Variants in ADAMTS1 observed in about 807,000 individuals in gnomAD.
The protein encoded by ADAMTS1 is ADAM metallopeptidase with thrombospondin type 1 motif 1.
In ADAMTS1, 19 loss-of-function variants were observed where a neutral mutation model predicts 87.9. The ratio of observed to expected loss-of-function variants is 0.22; its 90% CI spans 0.15 to 0.32. The LOEUF (loss-of-function observed/expected upper bound fraction) is 0.32. ADAMTS1 is among the 10% of genes least tolerant of loss of function. The pLI, the probability that ADAMTS1 is intolerant of heterozygous loss-of-function variation, is 1.00. For synonymous variants in ADAMTS1, 542 were observed against 501.8 expected, an observed-to-expected ratio of 1.08 and a Z score of -1.07; for missense variants, 1,240 against 1,259.1, an observed-to-expected ratio of 0.98 and a Z score of 0.23.
chr21:26,840,696 G>T, intron 4 of ADAMTS1, 134 bp from the exon 5 acceptor site: 1 of 1,032,934 alleles, frequency 9.7e-7, no homozygotes, highest in Non-Finnish European at 1.4e-6. Flanking sequence ...GCTGGGGGAG[G>T]GAAATGCTGA....
In ADAMTS1 at chr21:26,837,515, G is replaced by T. The variant is rs1985391112; in HGVS notation, c.*64C>A. ...TACGCTGGATCCCTCCAGCCTTCTT[G>T]CTTTCCCTGCACCAGCCCTTCCTCA... On this transcript the variant is annotated 3_prime_UTR_variant, in exon 9 of 9. Coordinates refer to ENST00000284984, the MANE Select transcript of ADAMTS1 (RefSeq NM_006988.5). 1 of 1,461,580 alleles carries T rather than the reference G, an allele frequency of 6.8e-7. No individual in the cohort carries two copies. The highest frequency in any genetic ancestry group is 1.4e-5 in the African/African-American group (1 of 71,682). 90.5% of individuals were successfully genotyped at this position (1,461,580 alleles called of 1,614,324 possible). A position where few individuals can be genotyped will look rare whatever the true frequency, so the allele number is the denominator to read the frequency against.
rs755997993 is a variant in ADAMTS1, at chr21:26,838,558, C to G, written c.2085G>C (p.Gln695His). 1 of 1,614,190 alleles carries G rather than the reference C, an allele frequency of 6.2e-7. No homozygotes were observed. Among genetic ancestry groups the G allele is most frequent in the Non-Finnish European group, 8.5e-7 (1 of 1,180,044 alleles). Reference sequence around the variant, plus strand: ...TGCGATCACAACCAGCTTTTACACACTGTCCTTGCACACAGACAGAGGTGG... The same window carrying G: ...TGCGATCACAACCAGCTTTTACACAGTGTCCTTGCACACAGACAGAGGTGG... ...PDSTSVCVQGQCVKAGCDRII... is the reference protein window; with the variant it reads ...PDSTSVCVQGHCVKAGCDRII... Residue 695 changes from glutamine to histidine, a missense_variant, in exon 8 of 9, where the codon CAG (glutamine) becomes CAC (histidine). This residue lies in a region of ADAMTS1 where 402 missense variants were observed against 399.1 expected (regional missense o/e 1.01). Coordinates refer to ENST00000284984, the MANE Select transcript of ADAMTS1 (RefSeq NM_006988.5).
At position 26,842,441 on chromosome 21, in the gene ADAMTS1, A is replaced by G. The variant is rs1433694347; in HGVS notation, c.975T>C (p.Ala325=). 1.9e-6 allele frequency: 3 copies of G among 1,614,084 alleles called. No homozygotes were observed. The highest frequency in any genetic ancestry group is 2.2e-5 in the East Asian group (1 of 44,888). The change falls in exon 2 of 9, where the codon GCT becomes GCC. Residue 325 remains alanine (A), a synonymous_variant. Transcript: ENST00000284984. ...EQKGPEVTSN[A]ALTLRNFCNW... is the part of the protein sequence containing the mutation. The stretch of plus-strand genomic sequence containing the variant: ...TGCAAAAGTTCCGCAGAGTGAGGGC[A>G]GCATTGGAGGTCACTTCCGGCCCCT...
In ADAMTS1 at chr21:26,838,620, A is replaced by G; in HGVS notation, c.2029-6T>C. 1 of 1,612,988 alleles carries G rather than the reference A, an allele frequency of 6.2e-7. No individual in the cohort carries two copies. The highest frequency in any genetic ancestry group is 1.7e-4 in the Middle Eastern group (1 of 6,056). Reference sequence around the variant, plus strand: ...CATGGAGTACCATCTACAACCTGAAAAAAGGACACATGTCTAGTGTTACAT... The same window carrying G: ...CATGGAGTACCATCTACAACCTGAAGAAAGGACACATGTCTAGTGTTACAT... On this transcript the variant is annotated splice_polypyrimidine_tract_variant and splice_region_variant and intron_variant, in intron 7 of 8. Coordinates refer to ENST00000284984, the MANE Select transcript of ADAMTS1 (RefSeq NM_006988.5).
At position 26,845,198 on chromosome 21, in the gene ADAMTS1, C is replaced by T. The variant is rs1374368533; in HGVS notation, c.-244G>A. The T allele has an allele frequency of 6.9e-6, 3 of 434,174 alleles. No homozygotes were observed. Among genetic ancestry groups the T allele is most frequent in the African/African-American group, 2.0e-5 (1 of 49,000 alleles). The allele number at this position is 434,174 out of a possible 1,614,324, so 26.9% of individuals were successfully genotyped here. On this transcript the variant is annotated 5_prime_UTR_variant, in exon 1 of 9. Transcript: ENST00000284984. ...GCGCAAAGTTGGAGACACTGAGAGG[C>T]AGGCGCAGGCAGAGTGGCTCTGCTG...
At chr21:26,841,642 AACAT>A in intron 3 of ADAMTS1, 1 of 500,694 alleles carries the variant, frequency 2.0e-6, no homozygotes, top group Non-Finnish European at 3.4e-6. Flanking sequence ...GGTGTAAACA[AACAT>A]ACACATTTCC....
At position 26,840,540 on chromosome 21, in the gene ADAMTS1, A is replaced by G; in HGVS notation, c.1401T>C (p.Pro467=). 1.2e-6 allele frequency: 2 copies of G among 1,614,026 alleles called. No homozygotes were observed. The highest frequency in any genetic ancestry group is 1.1e-5 in the South Asian group (1 of 91,068). The change falls in exon 5 of 9, where the codon CCT becomes CCC. Residue 467 remains proline (P), a synonymous_variant. Transcript: ENST00000284984. ...NGHGECLMDK[P]QNPIQLPGDL... The stretch of plus-strand genomic sequence containing the variant: ...CGCCTGGGAGCTGTATGGGATTCTG[A>G]GGCTTGTCCATCAAACATTCCCCTG...
At position 26,837,931 on chromosome 21, in the gene ADAMTS1, G is replaced by A. The variant is rs200818184; in HGVS notation, c.2552C>T (p.Ala851Val). The A allele has an allele frequency of 1.3e-5, 21 of 1,614,226 alleles. No individual in the cohort carries two copies. Among genetic ancestry groups the A allele is most frequent in the Non-Finnish European group, 1.4e-5 (17 of 1,180,046 alleles). Residue 851 changes from alanine (A) to valine (V), a missense_variant, in exon 9 of 9, where the codon GCT becomes GTT. Coordinates refer to ENST00000284984, the MANE Select transcript of ADAMTS1 (RefSeq NM_006988.5). ...FVKKKKESFN[A>V]IPTFSAWVIE... Reference sequence around the variant, plus strand: ...GACCCATGCTGAAAAAGTGGGGATAGCATTGAAAGATTCCTTCTTCTTCTT... The same window carrying A: ...GACCCATGCTGAAAAAGTGGGGATAACATTGAAAGATTCCTTCTTCTTCTT...
chr21:26,837,769 G>A lies in ADAMTS1; in HGVS notation c.2714C>T (p.Ala905Val). 1 of 1,614,178 alleles carries A rather than the reference G, an allele frequency of 6.2e-7. No individual in the cohort carries two copies. The highest frequency in any genetic ancestry group is 8.5e-7 in the Non-Finnish European group (1 of 1,180,040). ...EVKPASTRPCADHPCPQWQLG... is the reference protein window; with the variant it reads ...EVKPASTRPCVDHPCPQWQLG... ...CTGCCACTGGGGGCAGGGATGGTCT[G>A]CACAAGGTCTGGTGCTGGCTGGCTT... Residue 905 changes from alanine (A) to valine (V), a missense_variant, in exon 9 of 9, where the codon GCA becomes GTA. By Grantham distance (64) the Ala-to-Val change is moderately conservative. This residue lies in a region of ADAMTS1 where 402 missense variants were observed against 399.1 expected (regional missense o/e 1.01). Transcript: ENST00000284984.
Position 26,835,841 on chromosome 21 carries a change from G to A in ADAMTS1, c.*1738C>T, listed in dbSNP as rs1006354378. On this transcript the variant is annotated 3_prime_UTR_variant, in exon 9 of 9. Transcript: ENST00000284984. ...CAAATCTGACCCATTATTTGTTTTT[G>A]CAAGTAGTTTTTTTAGAACACAGCC... 1 of 152,188 alleles carries A rather than the reference G, an allele frequency of 6.6e-6. No homozygotes were observed. Among genetic ancestry groups the A allele is most frequent in the African/African-American group, 2.4e-5 (1 of 41,450 alleles). The allele number at this position is 152,188 out of a possible 1,614,324, so 9.4% of individuals were successfully genotyped here. A position where few individuals can be genotyped will look rare whatever the true frequency, so the allele number is the denominator to read the frequency against.
rs1215934736 is a variant in ADAMTS1, at chr21:26,836,571, T to C, written c.*1008A>G. On this transcript the variant is annotated 3_prime_UTR_variant, in exon 9 of 9. Coordinates refer to ENST00000284984, the MANE Select transcript of ADAMTS1 (RefSeq NM_006988.5). ...AGAGCTGAACAGACATTCACCAGGA[T>C]ACGACTGTTGGACCAGCTGCTGGAG... 6.6e-6 allele frequency: 1 copy of C among 152,614 alleles called. No homozygotes were observed. The highest frequency in any genetic ancestry group is 2.4e-5 in the African/African-American group (1 of 41,456). The allele number at this position is 152,614 out of a possible 1,614,324, so 9.5% of individuals were successfully genotyped here.
At position 26,844,402 on chromosome 21, in the gene ADAMTS1, G is replaced by C. The variant is rs1985566642; in HGVS notation, c.553C>G (p.Leu185Val). 1.1e-5 allele frequency: 17 copies of C among 1,595,682 alleles called. No individual in the cohort carries two copies. Among genetic ancestry groups the C allele is most frequent in the Non-Finnish European group, 1.4e-5 (17 of 1,172,844 alleles). ...EKPPAPLQFH[L>V]LRRNRQGDVG... The stretch of plus-strand genomic sequence containing the variant: ...TCGCCCTGCCGATTCCGCCGCAGGA[G>C]GTGGAACTGTAGTGGTGCCGGCGGC... Residue 185 changes from leucine to valine, a missense_variant, in exon 1 of 9, where the codon CTC (leucine) becomes GTC (valine). Transcript: ENST00000284984.
intron 7 of ADAMTS1, chr21:26,839,232 A>G (rs924842084): frequency 6.3e-5 from 11 of 174,442 alleles, no homozygotes; most frequent in Non-Finnish European, 9.7e-5. Context: ...TGCATAGACT[A>G]TTTTCCAAAA....
At chr21:26,843,613 G>A in intron 1 of ADAMTS1, 1 of 461,870 alleles carries the variant, frequency 2.2e-6, no homozygotes, top group Non-Finnish European at 4.5e-6. Context: ...GGGCAAACCC[G>A]GGAAAGACCT....
intron 1 of ADAMTS1, chr21:26,843,549 A>G: frequency 2.1e-6 from 1 of 470,284 alleles, no homozygotes; most frequent in South Asian, 1.6e-5. Context: ...GTGACTTTCA[A>G]CAGTGCTTGA....
chr21:26,838,016 T>A lies in ADAMTS1; in HGVS notation c.2467A>T (p.Ile823Phe), dbSNP rs199656297. 6.2e-7 allele frequency: 1 copy of A among 1,614,236 alleles called. No homozygotes were observed. The highest frequency in any genetic ancestry group is 8.5e-7 in the Non-Finnish European group (1 of 1,180,038). ...GCATTGCCCACAGTAAGAACCTGGA[T>A]GGTCAAGGGCTCTTTGAGAGGGCTA... ...SFSPLKEPLT[I>F]QVLTVGNALR... Residue 823 changes from isoleucine (I) to phenylalanine (F), a missense_variant, in exon 9 of 9, where the codon ATC becomes TTC. Ile to Phe is a conservative substitution (Grantham distance 21, BLOSUM62 0). Around this residue, in one of 3 missense-constraint regions of ADAMTS1, gnomAD observed 402 missense variants for 399.1 expected, o/e 1.01. Coordinates refer to ENST00000284984, the MANE Select transcript of ADAMTS1 (RefSeq NM_006988.5).
chr21:26,844,636 G>C lies in ADAMTS1; in HGVS notation c.319C>G (p.Arg107Gly), dbSNP rs1206960910. ...APGFTLQNVG[R>G]KSGSETPLPE... is the part of the protein sequence containing the mutation. ...AGCGGCGTCTCGGACCCGGATTTGCGCCCCACGTTCTGGAGCGTGAAGCCG... is the reference window on the plus strand; with the variant it reads ...AGCGGCGTCTCGGACCCGGATTTGCCCCCCACGTTCTGGAGCGTGAAGCCG... Residue 107 changes from arginine to glycine, a missense_variant, in exon 1 of 9, where the codon CGC (arginine) becomes GGC (glycine). By Grantham distance (125) the Arg-to-Gly change is moderately radical. Transcript: ENST00000284984. The C allele has an allele frequency of 6.2e-7, 1 of 1,606,336 alleles. No homozygotes were observed. Among genetic ancestry groups the C allele is most frequent in the East Asian group, 2.2e-5 (1 of 44,586 alleles).
chr21:26,837,580 T>TAAC lies in ADAMTS1; in HGVS notation c.2900_2902dup (p.Ser967_Ter968insCys). The TAAC allele has an allele frequency of 6.2e-7, 1 of 1,613,742 alleles. No individual in the cohort carries two copies. The highest frequency in any genetic ancestry group is 8.5e-7 in the Non-Finnish European group (1 of 1,179,810). On this transcript the variant is annotated inframe_insertion, in exon 9 of 9. Coordinates refer to ENST00000284984, the MANE Select transcript of ADAMTS1 (RefSeq NM_006988.5). ...CAAAGCTAACACCACTTAAACCACTTAACTGCATTCTGCCATTGTGCAAAA... is the reference window on the plus strand; with the variant it reads ...CAAAGCTAACACCACTTAAACCACTTAACAACTGCATTCTGCCATTGTGCAAAA...
chr21:26,845,322 A>T lies in ADAMTS1; in HGVS notation c.-368T>A. 1 of 213,844 alleles carries T rather than the reference A, an allele frequency of 4.7e-6. No homozygotes were observed. The highest frequency in any genetic ancestry group is 9.2e-6 in the Non-Finnish European group (1 of 108,832). The allele number at this position is 213,844 out of a possible 1,614,324, so 13.2% of individuals were successfully genotyped here. ...CTCCGCCTTGGCTGCGATGTTGCTC[A>T]CTCTGCTCAGGGCTCTCCCCTCTCC... is the stretch of plus-strand genomic sequence containing the variant. On this transcript the variant is annotated 5_prime_UTR_variant, in exon 1 of 9. Transcript: ENST00000284984.
Sources: allele counts gnomAD v4.1 joint callset, GRCh38; gene constraint gnomAD v4.1.1; regional missense constraint gnomAD v4.1.1; transcripts MANE v1.5; gene names NCBI Gene and HGNC (gene_info 2026-07-23, HGNC 2026-07-21).